Variants in MAGI1 observed in about 807,000 individuals in gnomAD.
MAGI1 encodes the protein membrane-associated guanylate kinase, WW and PDZ domain-containing protein 1.
Under a neutral mutation model 139.9 loss-of-function variants are expected in MAGI1, and 58 were observed. The ratio of observed to expected loss-of-function variants is 0.41; its 90% CI spans 0.34 to 0.52. MAGI1 has a LOEUF of 0.52. Ranked by LOEUF, MAGI1 falls within the 20% of genes least tolerant of loss-of-function variation. MAGI1 has a pLI of 0.12. For synonymous variants in MAGI1, 812 were observed against 737.9 expected (o/e 1.10, Z -1.63); for missense variants, 1,874 against 1,901.6 (o/e 0.99, Z 0.27).
intron 1 of MAGI1, among the ~76,000 whole-genome samples, chr3:65,803,308 T>A (rs2040633031): frequency 6.6e-6 from 1 of 152,168 alleles, no homozygotes; most frequent in African/African-American, 2.4e-5. Context: ...ATAGAGATTG[T>A]ACATATGAAA....
At chr3:65,735,356 C>CGTGTGTGTGTGTGTGT (rs368243061) in intron 1 of MAGI1, among the ~76,000 whole-genome samples, 2,068 of 148,148 alleles carry the variant, frequency 0.014, 32 homozygotes, top group South Asian at 0.043. Context: ...TGTGTCTGCA[C>CGTGTGTGTGTGTGTGT]GTGTGTGTGT....
intron 17 of MAGI1, 84 bp downstream of exon 17, chr3:65,379,177 G>A: frequency 6.3e-7 from 1 of 1,595,810 alleles, no homozygotes; most frequent in Non-Finnish European, 8.5e-7. Context: ...TGCACGTGAG[G>A]TCTGAGTCAG....
intron 1 of MAGI1, among the ~76,000 whole-genome samples, chr3:66,019,078 T>C (rs1304737135): frequency 6.6e-6 from 1 of 152,058 alleles, no homozygotes; most frequent in African/African-American, 2.4e-5. Context: ...ATAAGGAGAG[T>C]AGAATACATG....
chr3:65,806,747 A>G (rs956572941), intron 1 of MAGI1, among the ~76,000 whole-genome samples: 8 of 152,218 alleles, frequency 5.3e-5, no homozygotes, highest in African/African-American at 1.9e-4. Context: ...AAATTAGTTT[A>G]TATCAAACTG....
chr3:65,910,761 T>G (rs535540975), intron 1 of MAGI1, among the ~76,000 whole-genome samples: 47 of 151,522 alleles, frequency 3.1e-4, no homozygotes, highest in Non-Finnish European at 4.6e-4. Flanking sequence ...CTTCTCGACA[T>G]GAAGGTCCTG....
At chr3:65,735,356 C>CGCGTGTGTGTGTGT (rs2034626990) in intron 1 of MAGI1, among the ~76,000 whole-genome samples, 1 of 148,078 alleles carries the variant, frequency 6.8e-6, no homozygotes, top group Admixed American at 6.7e-5. Flanking sequence ...TGTGTCTGCA[C>CGCGTGTGTGTGTGT]GTGTGTGTGT....
intron 1 of MAGI1, among the ~76,000 whole-genome samples, chr3:66,013,117 A>G (rs1394197417): frequency 6.6e-6 from 1 of 152,200 alleles, no homozygotes; most frequent in Non-Finnish European, 1.5e-5. Context: ...AAGAACTTCA[A>G]TTCTGGCTGG....
At chr3:65,733,385 C>G (rs1033663317) in intron 1 of MAGI1, among the ~76,000 whole-genome samples, 1 of 152,012 alleles carries the variant, frequency 6.6e-6, no homozygotes, top group African/African-American at 2.4e-5. Context: ...AAATGAAAAG[C>G]CAGAAAATTA....
intron 1 of MAGI1, among the ~76,000 whole-genome samples, chr3:65,863,237 GGCTACC>G (rs1357523029): frequency 2.6e-5 from 4 of 152,094 alleles, no homozygotes; most frequent in African/African-American, 9.7e-5. Flanking sequence ...CATGTCTTCT[GGCTACC>G]AGAATAGACA....
chr3:65,422,597 C>T (rs1442618718), intron 12 of MAGI1, among the ~76,000 whole-genome samples: 1 of 152,094 alleles, frequency 6.6e-6, no homozygotes, highest in Non-Finnish European at 1.5e-5. Context: ...GGACTAGGCA[C>T]CATTTTAGGC....
At chr3:65,485,586 G>T (rs1951571549) in intron 3 of MAGI1, among the ~76,000 whole-genome samples, 1 of 152,138 alleles carries the variant, frequency 6.6e-6, no homozygotes, top group South Asian at 2.1e-4. Context: ...CTCCAATCAG[G>T]CCTGATGTTG....
intron 2 of MAGI1, among the ~76,000 whole-genome samples, chr3:65,602,570 A>T (rs900367016): frequency 6.6e-6 from 1 of 152,150 alleles, no homozygotes; most frequent in Non-Finnish European, 1.5e-5. Flanking sequence ...CTATTAATGC[A>T]TATAGGGTTT....
At chr3:65,653,882 C>G (rs2107330510) in intron 1 of MAGI1, among the ~76,000 whole-genome samples, 1 of 152,268 alleles carries the variant, frequency 6.6e-6, no homozygotes, top group African/African-American at 2.4e-5. Context: ...AAACACAACT[C>G]CAACTATGTT....
At chr3:65,530,777 ACATATATATACACG>A in intron 2 of MAGI1, among the ~76,000 whole-genome samples, 7 of 89,618 alleles carry the variant, frequency 7.8e-5, no homozygotes, top group African/African-American at 4.3e-4. Flanking sequence ...ATATATACAC[ACATATATATACACG>A]TATATATATA....
chr3:65,650,294 A>T (rs1424319413), intron 1 of MAGI1, among the ~76,000 whole-genome samples: 1 of 152,162 alleles, frequency 6.6e-6, no homozygotes, highest in African/African-American at 2.4e-5. Flanking sequence ...CTGTTATATC[A>T]ATGCAAAATG....
At chr3:65,656,963 C>T (rs2107351839) in intron 1 of MAGI1, among the ~76,000 whole-genome samples, 1 of 112,600 alleles carries the variant, frequency 8.9e-6, no homozygotes, top group Admixed American at 1.4e-4. Flanking sequence ...CTGGGTGACA[C>T]AGGAGGACAC....
At chr3:65,994,974 T>G (rs903532159) in intron 1 of MAGI1, among the ~76,000 whole-genome samples, 7 of 152,270 alleles carry the variant, frequency 4.6e-5, no homozygotes, top group African/African-American at 1.7e-4. Context: ...TTGTTTCCCT[T>G]AACCATGGGA....
chr3:65,368,992 G>T (rs896557252), intron 18 of MAGI1, among the ~76,000 whole-genome samples: 1 of 152,136 alleles, frequency 6.6e-6, no homozygotes, highest in African/African-American at 2.4e-5. Context: ...TCCATACAAT[G>T]CAAATGTTGT....
intron 1 of MAGI1, among the ~76,000 whole-genome samples, chr3:65,726,765 G>A (rs1382030678): frequency 6.6e-6 from 1 of 151,958 alleles, no homozygotes; most frequent in Non-Finnish European, 1.5e-5. Flanking sequence ...AGGCACCTAG[G>A]GACCTCAGAA....
Sources: allele counts gnomAD v4.1 joint callset (sites outside exome capture counted in the v4.1 genomes callset), GRCh38; gene constraint gnomAD v4.1.1; transcripts MANE v1.5; gene names NCBI Gene and HGNC (gene_info 2026-07-23, HGNC 2026-07-21).